The following SLIT3 variants were observed in gnomAD, a reference collection of about 807,000 sequenced individuals.
SLIT3 encodes the protein slit homolog 3 protein.
A neutral mutation model predicts 184.0 loss-of-function variants in SLIT3; 68 were observed. That is an observed-to-expected ratio of 0.37 (90% CI 0.30 to 0.45). The LOEUF is 0.45. Ranked by LOEUF, SLIT3 falls within the 20% of genes least tolerant of loss-of-function variation. The pLI, the probability that SLIT3 is intolerant of heterozygous loss-of-function variation, is 1.00. For missense variants in SLIT3, 1,707 were observed against 2,026.0 expected (o/e 0.84, Z 3.02); for synonymous variants, 831 against 828.6 (o/e 1.00, Z -0.05).
At chr5:168,751,091 T>C (rs1289738317) in intron 18 of SLIT3, among the ~76,000 whole-genome samples, 2 of 152,014 alleles carry the variant, frequency 1.3e-5, no homozygotes, top group East Asian at 3.9e-4. Context: ...GAGTGCCAAG[T>C]TCCAAGGTTG....
chr5:169,104,184 A>AAGGTGGGTCCCTTGCCAAG (rs1478170074), intron 4 of SLIT3, among the ~76,000 whole-genome samples: 1 of 152,304 alleles, frequency 6.6e-6, no homozygotes, highest in East Asian at 1.9e-4. Flanking sequence ...ATTTGATCTG[A>AAGGTGGGTCCCTTGCCAAG]AGGTGGGTCC....
chr5:169,069,002 A>AC (rs1206178637), intron 4 of SLIT3, among the ~76,000 whole-genome samples: 1 of 152,196 alleles, frequency 6.6e-6, no homozygotes, highest in Non-Finnish European at 1.5e-5. Context: ...ATAGGCATGA[A>AC]CCCTACCACA....
rs148983930 is a variant in SLIT3, at chr5:168,862,115, G to GT, written c.486-17461dup. Among the ~76,000 whole-genome samples, 1,206 of 152,212 alleles carry GT rather than the reference G, an allele frequency of 7.9e-3. 17 individuals carry two copies. The highest frequency in any genetic ancestry group is 0.027 in the African/African-American group (1,130 of 41,526). ...TATTTTTCATGTAGCTGGAAACCAT[G>GT]TTTAAGGCTAACACTGGGTCAAAGG... is the stretch of plus-strand genomic sequence containing the variant. On this transcript the variant is annotated intron_variant, in intron 5 of 35. Coordinates refer to ENST00000519560, the MANE Select transcript of SLIT3 (RefSeq NM_003062.4).
chr5:169,129,460 G>A (rs1761207341), intron 4 of SLIT3, among the ~76,000 whole-genome samples: 2 of 152,076 alleles, frequency 1.3e-5, no homozygotes, highest in South Asian at 2.1e-4. Flanking sequence ...GCTGAGGCAG[G>A]AGAATCTCTT....
chr5:168,783,546 C>T (rs1431049197), intron 12 of SLIT3, among the ~76,000 whole-genome samples: 1 of 152,178 alleles, frequency 6.6e-6, no homozygotes, highest in African/African-American at 2.4e-5. Flanking sequence ...GGCAGTTCAG[C>T]TTTGCGAGTA....
At chr5:169,187,569 T>C (rs1418895757) in intron 4 of SLIT3, among the ~76,000 whole-genome samples, 1 of 151,134 alleles carries the variant, frequency 6.6e-6, no homozygotes, top group East Asian at 1.9e-4. Context: ...CTTTTTTTTT[T>C]TTTTTGAGAC....
chr5:169,294,195 T>C (rs1581147811), intron 1 of SLIT3, among the ~76,000 whole-genome samples: 1 of 144,454 alleles, frequency 6.9e-6, no homozygotes, highest in East Asian at 2.0e-4. Flanking sequence ...AACACAGTAA[T>C]AGAGGCAGAC....
intron 1 of SLIT3, among the ~76,000 whole-genome samples, chr5:169,288,092 A>G (rs1052012456): frequency 1.3e-5 from 2 of 152,184 alleles, no homozygotes; most frequent in African/African-American, 4.8e-5. Flanking sequence ...ACTCAGGGAA[A>G]CAATGTCCTA....
chr5:169,047,875 G>T (rs894634305), intron 4 of SLIT3, among the ~76,000 whole-genome samples: 1 of 152,080 alleles, frequency 6.6e-6, no homozygotes, highest in African/African-American at 2.4e-5. Context: ...TCCTCTTCTA[G>T]GTCCTGAGCA....
At chr5:168,832,539 T>A (rs1315220123) in intron 6 of SLIT3, among the ~76,000 whole-genome samples, 1 of 152,220 alleles carries the variant, frequency 6.6e-6, no homozygotes, top group Non-Finnish European at 1.5e-5. Context: ...TACAAATAAA[T>A]TCCCACTCTG....
At chr5:169,172,769 C>G (rs543936024) in intron 4 of SLIT3, among the ~76,000 whole-genome samples, 1 of 152,164 alleles carries the variant, frequency 6.6e-6, no homozygotes, top group South Asian at 2.1e-4. Flanking sequence ...TGTACTAAAC[C>G]CTGCTAATAA....
At chr5:169,191,425 T>C (rs1374970956) in intron 4 of SLIT3, among the ~76,000 whole-genome samples, 1 of 152,148 alleles carries the variant, frequency 6.6e-6, no homozygotes, top group Non-Finnish European at 1.5e-5. Context: ...CAACTCCTAG[T>C]CTCTTCATGC....
chr5:168,908,336 C>T (rs1761145858), intron 4 of SLIT3, among the ~76,000 whole-genome samples: 1 of 151,980 alleles, frequency 6.6e-6, no homozygotes, highest in Non-Finnish European at 1.5e-5. Context: ...ATACCCTTGC[C>T]CTCTCCTAAT....
At chr5:169,265,416 T>C (rs1265168787) in intron 1 of SLIT3, among the ~76,000 whole-genome samples, 1 of 152,218 alleles carries the variant, frequency 6.6e-6, no homozygotes, top group Non-Finnish European at 1.5e-5. Context: ...AAGCTGGTAC[T>C]AAGAGGCAAT....
At chr5:169,159,914 T>C (rs1762425936) in intron 4 of SLIT3, among the ~76,000 whole-genome samples, 1 of 152,236 alleles carries the variant, frequency 6.6e-6, no homozygotes, top group African/African-American at 2.4e-5. Flanking sequence ...ATTCTGCCTC[T>C]TAGAAAATGT....
At chr5:168,797,177 C>T (rs1756591824) in intron 9 of SLIT3, among the ~76,000 whole-genome samples, 1 of 152,130 alleles carries the variant, frequency 6.6e-6, no homozygotes, top group Non-Finnish European at 1.5e-5. Context: ...TACAGCCACC[C>T]ACAGAGACAG....
At chr5:168,876,782 CT>C (rs1276892939) in intron 5 of SLIT3, among the ~76,000 whole-genome samples, 2 of 152,174 alleles carry the variant, frequency 1.3e-5, no homozygotes, top group African/African-American at 4.8e-5. Context: ...ATTTTGTCAT[CT>C]GGAAAATGGG....
chr5:168,759,671 ACT>A lies in SLIT3; in HGVS notation c.1685+1189_1685+1190del, dbSNP rs1210872739. ...CCAGCTGAGAACGTGGGTGTGGGTG[ACT>A]CTGTTTTTGTTTTGGTTTTTGTTTT... On this transcript the variant is annotated intron_variant, in intron 16 of 35. Coordinates refer to ENST00000519560, the MANE Select transcript of SLIT3 (RefSeq NM_003062.4). Among the ~76,000 whole-genome samples the A allele has an allele frequency of 4.0e-5, 6 of 151,816 alleles. 1 individual carries two copies. The highest frequency in any genetic ancestry group is 1.5e-4 in the African/African-American group (6 of 41,378).
intron 1 of SLIT3, among the ~76,000 whole-genome samples, chr5:169,277,991 G>A (rs868239072): frequency 2.6e-5 from 4 of 152,294 alleles, no homozygotes; most frequent in South Asian, 2.1e-4. Context: ...GAGCAAATTG[G>A]TAAGACGTGG....
Sources: gnomAD v4.1 joint callset for allele counts (sites outside exome capture counted in the v4.1 genomes callset) on GRCh38, gnomAD v4.1.1 for gene constraint, MANE v1.5 for transcripts, NCBI Gene and HGNC (gene_info 2026-07-23, HGNC 2026-07-21) for gene names.